Variants in GABRA3 observed in about 807,000 individuals in gnomAD.
The protein encoded by GABRA3 is gamma-aminobutyric acid type A receptor subunit alpha3.
GABRA3 carries 10 observed loss-of-function variants against 30.1 expected under a neutral mutation model. The ratio of observed to expected loss-of-function variants is 0.33; its 90% CI spans 0.20 to 0.56. GABRA3 has a LOEUF of 0.56. Ranked by LOEUF, GABRA3 falls within the 20% of genes least tolerant of loss-of-function variation. The pLI is 0.89. For synonymous variants in GABRA3, 151 were observed against 146.8 expected, an observed-to-expected ratio of 1.03 and a Z score of -0.21; for missense variants, 233 against 392.0, an observed-to-expected ratio of 0.59 and a Z score of 3.42.
chrX:152,223,125 T>G (rs1289454953), intron 6 of GABRA3, among the ~76,000 whole-genome samples: 2 of 111,782 alleles, frequency 1.8e-5, no homozygotes, highest in Non-Finnish European at 3.8e-5. Flanking sequence ...AGGCCAGAAC[T>G]GGCAAATGCC....
At chrX:152,308,800 A>C (rs1387027894) in intron 3 of GABRA3, among the ~76,000 whole-genome samples, 1 of 112,449 alleles carries the variant, frequency 8.9e-6, no homozygotes, top group Non-Finnish European at 1.9e-5. Context: ...AACCAGGCTG[A>C]AATGGCTGAA....
chrX:152,176,396 G>T (rs1202589541), intron 9 of GABRA3, among the ~76,000 whole-genome samples: 2 of 111,816 alleles, frequency 1.8e-5, no homozygotes, highest in Non-Finnish European at 3.8e-5. Context: ...GTCCTAATGA[G>T]GCTAGTGAAG....
chrX:152,378,616 C>A (rs1045337424), intron 1 of GABRA3, among the ~76,000 whole-genome samples: 1 of 110,791 alleles, frequency 9.0e-6, no homozygotes, highest in African/African-American at 3.3e-5. Context: ...ATAAAATGGG[C>A]AAGCTAAATA....
At chrX:152,344,695 A>G (rs937242570) in intron 3 of GABRA3, among the ~76,000 whole-genome samples, 1 of 112,065 alleles carries the variant, frequency 8.9e-6, no homozygotes, top group African/African-American at 3.2e-5. Context: ...CTTCTTGAGC[A>G]ATGTGCTGAT....
intron 8 of GABRA3, among the ~76,000 whole-genome samples, chrX:152,191,082 A>G (rs1937319486): frequency 9.1e-6 from 1 of 109,674 alleles, no homozygotes; most frequent in Non-Finnish European, 1.9e-5. Context: ...GATTATGTAT[A>G]TATATACACA....
chrX:152,170,449 G>A (rs888124932), intron 9 of GABRA3, among the ~76,000 whole-genome samples: 1 of 112,212 alleles, frequency 8.9e-6, no homozygotes, highest in Non-Finnish European at 1.9e-5. Context: ...GAGTAGCTGG[G>A]ACTACAGGCA....
intron 9 of GABRA3, among the ~76,000 whole-genome samples, chrX:152,179,951 C>T (rs1337547779): frequency 1.8e-5 from 2 of 111,517 alleles, no homozygotes; most frequent in Non-Finnish European, 3.8e-5. Flanking sequence ...TTTTCTTTAT[C>T]TATTCATCAG....
intron 5 of GABRA3, among the ~76,000 whole-genome samples, chrX:152,233,108 A>T (rs997439457): frequency 9.1e-6 from 1 of 110,015 alleles, no homozygotes; most frequent in African/African-American, 3.3e-5. Flanking sequence ...TTTATTGGCC[A>T]CTTGTATGTC....
intron 3 of GABRA3, among the ~76,000 whole-genome samples, chrX:152,343,500 A>G (rs183947676): frequency 6.4e-5 from 7 of 108,877 alleles, no homozygotes; most frequent in East Asian, 2.9e-4. Context: ...AGTCTTCCCT[A>G]TTTTAGAAAA....
At chrX:152,240,493 G>T (rs1938337672) in intron 5 of GABRA3, among the ~76,000 whole-genome samples, 1 of 87,516 alleles carries the variant, frequency 1.1e-5, no homozygotes, top group Non-Finnish European at 2.1e-5. Context: ...TCTTCTCGAG[G>T]AGTATCTTTG....
chrX:152,385,214 A>G (rs1929267539), intron 1 of GABRA3, among the ~76,000 whole-genome samples: 1 of 111,772 alleles, frequency 8.9e-6, no homozygotes, highest in African/African-American at 3.3e-5. Flanking sequence ...ATTAGACTAT[A>G]AATTTGATGA....
chrX:152,199,160 A>T (rs758852992), intron 7 of GABRA3, among the ~76,000 whole-genome samples: 15 of 110,400 alleles, frequency 1.4e-4, no homozygotes, highest in African/African-American at 3.0e-4. Context: ...AGGTCAGGAG[A>T]TCGAGACCAT....
chrX:152,394,433 A>G (rs1454203260), intron 1 of GABRA3: 1 of 387,315 alleles, frequency 2.6e-6, no homozygotes, highest in Non-Finnish European at 5.2e-6. Flanking sequence ...GCACATGCTC[A>G]AACATCCGTG....
In GABRA3 at chrX:152,173,804, T is replaced by C. The variant is rs1937036037; in HGVS notation, c.1144-5241A>G. ...ATTTATTTATTTATTTATATTATTA[T>C]TATACTTTAAGTTTTAGGGTACATG... On this transcript the variant is annotated intron_variant, in intron 9 of 9. Transcript: ENST00000370314. Among the ~76,000 whole-genome samples, 4 of 110,577 alleles carry C rather than the reference T, an allele frequency of 3.6e-5. No homozygotes were observed. The Admixed American group carries it at 3.9e-4, about 11-fold the overall frequency.
At position 152,256,976 on chromosome X, in the gene GABRA3, A is replaced by G. The variant is rs191930207; in HGVS notation, c.331-978T>C. ...ATTAGGGATGGAAGACTCAAAAGTA[A>G]GAGAATCCCAGAAGGGATGGGCCTC... On this transcript the variant is annotated intron_variant, in intron 4 of 9. Transcript: ENST00000370314. 5.4e-5 allele frequency among the ~76,000 whole-genome samples: 6 copies of G among 111,783 alleles called. No homozygotes were observed. In the East Asian group the frequency reaches 1.7e-3, roughly 31 times the overall value.
At chrX:152,266,805 G>A (rs903464503) in intron 4 of GABRA3, among the ~76,000 whole-genome samples, 4 of 111,107 alleles carry the variant, frequency 3.6e-5, no homozygotes, top group African/African-American at 1.3e-4. Flanking sequence ...GCTTCCACTA[G>A]CCTGGAAGCT....
At chrX:152,235,157 T>C (rs1420384272) in intron 5 of GABRA3, among the ~76,000 whole-genome samples, 4 of 111,820 alleles carry the variant, frequency 3.6e-5, no homozygotes, top group African/African-American at 1.3e-4. Flanking sequence ...CGGTGTTTTG[T>C]AGTTTTCGTT....
chrX:152,414,331 G>A (rs765384433), intron 1 of GABRA3, among the ~76,000 whole-genome samples: 21 of 111,304 alleles, frequency 1.9e-4, no homozygotes, highest in African/African-American at 4.9e-4. Flanking sequence ...ACTGCTGCAT[G>A]TATTGAAGTA....
chrX:152,275,251 A>ATAATTTATATATATAATATTATATAT (rs1427171177), intron 4 of GABRA3, among the ~76,000 whole-genome samples: 2 of 50,776 alleles, frequency 3.9e-5, no homozygotes, highest in African/African-American at 2.2e-4. Flanking sequence ...TATTATATAT[A>ATAATTTATATATATAATATTATATAT]ATAAAATATA....
Sources: gnomAD v4.1 joint callset for allele counts (sites outside exome capture counted in the v4.1 genomes callset) on GRCh38, gnomAD v4.1.1 for gene constraint, MANE v1.5 for transcripts, NCBI Gene and HGNC (gene_info 2026-07-23, HGNC 2026-07-21) for gene names.